The following AKAP13 variants were observed in gnomAD, a reference collection of about 807,000 sequenced individuals.
AKAP13 encodes the protein A-kinase anchoring protein 13.
Under a neutral mutation model 264.5 loss-of-function variants are expected in AKAP13, and 80 were observed. The observed-to-expected ratio is 0.30, with a 90% CI of 0.25 to 0.36. The LOEUF (loss-of-function observed/expected upper bound fraction) is 0.36, where lower values mean the gene tolerates loss of function less well. Among genes scored for constraint, AKAP13 ranks in the 10% least tolerant of loss-of-function variants. The pLI is 1.00. For synonymous variants in AKAP13, 1,380 were observed against 1,250.2 expected, an observed-to-expected ratio of 1.10 and a Z score of -2.19; for missense variants, 3,712 against 3,435.2, an observed-to-expected ratio of 1.08 and a Z score of -2.01.
intron 1 of AKAP13, among the ~76,000 whole-genome samples, chr15:85,410,215 C>T (rs1196456794): frequency 2.0e-5 from 3 of 151,484 alleles, no homozygotes; most frequent in African/African-American, 7.3e-5. Context: ...CATGACTTCC[C>T]CGGGCTGGTC....
chr15:85,582,422 G>A (rs769737867), intron 7 of AKAP13, among the ~76,000 whole-genome samples: 1 of 152,176 alleles, frequency 6.6e-6, no homozygotes. Context: ...AGTGGTGAAA[G>A]AATTTAGCAG....
intron 8 of AKAP13, chr15:85,621,610 C>A (rs146307884): frequency 6.6e-6 from 1 of 152,156 alleles, no homozygotes; most frequent in East Asian, 1.9e-4. Context: ...ACTTTATACT[C>A]TAGGTGGGCA....
chr15:85,463,023 C>CAAAAAAA (rs35565608), intron 1 of AKAP13, among the ~76,000 whole-genome samples: 13 of 65,156 alleles, frequency 2.0e-4, no homozygotes, highest in African/African-American at 5.0e-4. Flanking sequence ...GACTCCGTCT[C>CAAAAAAA]AAAAAAAAAA....
intron 5 of AKAP13, among the ~76,000 whole-genome samples, chr15:85,552,971 C>G (rs1253354436): frequency 2.0e-5 from 3 of 151,756 alleles, no homozygotes; most frequent in East Asian, 1.9e-4. Flanking sequence ...GACACATGGC[C>G]TAAATGGAAT....
At chr15:85,584,371 G>GA (rs1363880748) in intron 7 of AKAP13, among the ~76,000 whole-genome samples, 1 of 152,108 alleles carries the variant, frequency 6.6e-6, no homozygotes, top group African/African-American at 2.4e-5. Flanking sequence ...GCTGTGCCAA[G>GA]ATGCATCTTT....
intron 4 of AKAP13, among the ~76,000 whole-genome samples, chr15:85,540,855 A>T (rs2077560694): frequency 1.3e-5 from 2 of 152,236 alleles, no homozygotes; most frequent in Admixed American, 1.3e-4. Context: ...TGGACTACTC[A>T]GCAGTAAAAG....
intron 3 of AKAP13, among the ~76,000 whole-genome samples, chr15:85,524,167 T>C (rs7176291): frequency 0.52 from 75,259 of 145,176 alleles, 20,155 homozygotes; most frequent in Middle Eastern, 0.62. Context: ...GAGCTTTGTG[T>C]CTTGTTCTTG....
chr15:85,695,939 T>C (rs577592538), intron 17 of AKAP13, among the ~76,000 whole-genome samples: 1 of 152,354 alleles, frequency 6.6e-6, no homozygotes, highest in South Asian at 2.1e-4. Flanking sequence ...CACAGTTAGC[T>C]TCTTAGTACT....
chr15:85,725,790 C>T (rs2087582361), intron 26 of AKAP13, among the ~76,000 whole-genome samples: 1 of 152,194 alleles, frequency 6.6e-6, no homozygotes, highest in Non-Finnish European at 1.5e-5. Flanking sequence ...TTAGTCAGAG[C>T]TAGAGTTTAA....
rs150221941 is a variant in AKAP13 at position 85,664,645 on chromosome 15, G to A, written c.4882G>A (p.Glu1628Lys). ...SSLEVSSANAEELRHPFSGEE... is the reference protein window; with the variant it reads ...SSLEVSSANAKELRHPFSGEE... The stretch of plus-strand genomic sequence containing the variant: ...TCTAGAAGTAAGCTCTGCAAATGCC[G>A]AAGAGCTCAGACACCCATTCAGTGG... Residue 1628 changes from glutamate to lysine, a missense_variant, in exon 13 of 37, where the codon GAA becomes AAA. By Grantham distance (56) the Glu-to-Lys change is moderately conservative (BLOSUM62 1). Around this residue, in one of 3 missense-constraint regions of AKAP13, gnomAD observed 2,759 missense variants for 2,411.7 expected, o/e 1.14. Coordinates refer to ENST00000394518, the MANE Select transcript of AKAP13 (RefSeq NM_007200.5). The A allele has an allele frequency of 2.6e-5, 42 of 1,613,972 alleles. No individual in the cohort carries two copies. Among genetic ancestry groups the A allele is most frequent in the Admixed American group, 1.0e-4 (6 of 59,998 alleles).
At position 85,743,807 on chromosome 15, in the gene AKAP13, A is replaced by G. The variant is rs751273695; in HGVS notation, c.8374A>G (p.Ser2792Gly). 6.2e-7 allele frequency: 1 copy of G among 1,610,622 alleles called. No individual in the cohort carries two copies. The highest frequency in any genetic ancestry group is 1.7e-5 in the Admixed American group (1 of 59,474). The change falls in exon 36 of 37, where the codon AGC becomes GGC. Residue 2792 changes from serine (S) to glycine (G), a missense_variant. By Grantham distance (56) the Ser-to-Gly change is moderately conservative (BLOSUM62 0). Transcript: ENST00000394518. ...GGAGAAAAAAAAGAAGAACAAAACC[A>G]GCCGCTCTCAGCCCGGTGGTGAGTC... is the stretch of plus-strand genomic sequence containing the variant. ...KKEKKKKNKT[S>G]RSQPGDGPAS...
chr15:85,409,649 C>T (rs1456883201), intron 1 of AKAP13, among the ~76,000 whole-genome samples: 1 of 126,482 alleles, frequency 7.9e-6, no homozygotes, highest in Non-Finnish European at 1.6e-5. Flanking sequence ...TTTTTTGAGA[C>T]AGAGTCTCGC....
chr15:85,521,360 T>A (rs763759333), intron 2 of AKAP13, 68 bp from the exon 3 acceptor site: 51 of 1,552,856 alleles, frequency 3.3e-5, no homozygotes, highest in Middle Eastern at 1.8e-4. Context: ...AAATATGATG[T>A]TTGATAAAGA....
intron 15 of AKAP13, 21 bp downstream of exon 15, chr15:85,682,233 CT>C: frequency 3.7e-6 from 6 of 1,608,086 alleles, no homozygotes; most frequent in South Asian, 1.1e-5. Context: ...TTTGTTACTC[CT>C]TTTTCCAGAA....
intron 8 of AKAP13, among the ~76,000 whole-genome samples, chr15:85,631,271 G>T (rs1044875124): frequency 6.6e-6 from 1 of 152,080 alleles, no homozygotes; most frequent in African/African-American, 2.4e-5. Flanking sequence ...AGGCACTAGG[G>T]GACAGGGGAT....
intron 14 of AKAP13, among the ~76,000 whole-genome samples, chr15:85,680,280 AAACC>A (rs1360178898): frequency 6.6e-6 from 1 of 152,178 alleles, no homozygotes; most frequent in Non-Finnish European, 1.5e-5. Context: ...AAAGGTTTTA[AAACC>A]ACTGATTTAA....
intron 8 of AKAP13, among the ~76,000 whole-genome samples, chr15:85,612,267 A>C (rs2080670797): frequency 6.6e-6 from 1 of 152,252 alleles, no homozygotes; most frequent in South Asian, 2.1e-4. Flanking sequence ...AAAATTTGAC[A>C]ATACATGAAA....
At chr15:85,591,350 T>G (rs888672332) in intron 8 of AKAP13, among the ~76,000 whole-genome samples, 1 of 152,216 alleles carries the variant, frequency 6.6e-6, no homozygotes, top group Non-Finnish European at 1.5e-5. Context: ...TAATGCATGC[T>G]AAAATTCTAA....
chr15:85,657,198 A>G lies in AKAP13; in HGVS notation c.4746-1339A>G, dbSNP rs141434855. The stretch of plus-strand genomic sequence containing the variant: ...AATAATTGATGTAAACAGCTCAGCA[A>G]TAGCAATTATTTGCTCAAATTTCTC... On this transcript the variant is annotated intron_variant, in intron 11 of 36. Coordinates refer to ENST00000394518, the MANE Select transcript of AKAP13 (RefSeq NM_007200.5). Among the ~76,000 whole-genome samples, 39 of 152,298 alleles carry G rather than the reference A, an allele frequency of 2.6e-4. 1 individual carries two copies. In the East Asian group the frequency reaches 7.3e-3, roughly 29 times the overall value.
Sources: gnomAD v4.1 joint callset for allele counts (sites outside exome capture counted in the v4.1 genomes callset) on GRCh38, gnomAD v4.1.1 for gene constraint, gnomAD v4.1.1 regional missense constraint, MANE v1.5 for transcripts, NCBI Gene and HGNC (gene_info 2026-07-23, HGNC 2026-07-21) for gene names.